PGR: variants seen among roughly 807,000 people sequenced by gnomAD.
PGR encodes the protein nuclear receptor subfamily 3 group C member 3.
A neutral mutation model predicts 76.1 loss-of-function variants in PGR; 25 were observed. The ratio of observed to expected loss-of-function variants is 0.33; its 90% CI spans 0.24 to 0.46. PGR has a LOEUF of 0.46. Ranked by LOEUF, PGR falls within the 20% of genes least tolerant of loss-of-function variation. The probability of loss-of-function intolerance (pLI) is 1.00; values close to 1 mark genes in which losing one functional copy is unlikely to be tolerated. For missense variants in PGR, 1,172 were observed against 1,225.3 expected, an observed-to-expected ratio of 0.96 and a Z score of 0.65; for synonymous variants, 579 against 535.0, an observed-to-expected ratio of 1.08 and a Z score of -1.14.
chr11:101,038,580 C>T lies in PGR; in HGVS notation c.*536G>A. On this transcript the variant is annotated 3_prime_UTR_variant, in exon 8 of 8. Transcript: ENST00000325455. The stretch of plus-strand genomic sequence containing the variant: ...ATCAATCTATTTTAGTGGTTTTAAA[C>T]TCTTTCTACATTTTTTGCATTAAAA... 1 of 230,156 alleles carries T rather than the reference C, an allele frequency of 4.3e-6. No individual in the cohort carries two copies. Among genetic ancestry groups the T allele is most frequent in the South Asian group, 1.8e-4 (1 of 5,536 alleles). The allele number at this position is 230,156 out of a possible 1,614,324, so 14.3% of individuals were successfully genotyped here.
At chr11:101,111,973 T>A (rs1194733141) in intron 2 of PGR, among the ~76,000 whole-genome samples, 1 of 152,118 alleles carries the variant, frequency 6.6e-6, no homozygotes, top group Non-Finnish European at 1.5e-5. Flanking sequence ...GGGGAGCTAG[T>A]GAGGAAAATC....
intron 6 of PGR, among the ~76,000 whole-genome samples, chr11:101,048,670 C>T (rs544185446): frequency 3.8e-4 from 58 of 152,210 alleles, no homozygotes; most frequent in African/African-American, 1.3e-3. Context: ...AGTTGCTCTG[C>T]GTGAGTCAGC....
intron 3 of PGR, among the ~76,000 whole-genome samples, chr11:101,065,345 C>G (rs1860676079): frequency 6.6e-6 from 1 of 152,144 alleles, no homozygotes; most frequent in Admixed American, 6.6e-5. Context: ...ATGTGAACAG[C>G]AATGTGATTT....
At chr11:101,075,289 C>T (rs1338090533) in intron 3 of PGR, among the ~76,000 whole-genome samples, 3 of 152,010 alleles carry the variant, frequency 2.0e-5, no homozygotes, top group Non-Finnish European at 4.4e-5. Context: ...GAAAGTGGAC[C>T]CCTTCCTTAC....
intron 2 of PGR, among the ~76,000 whole-genome samples, chr11:101,101,328 C>A (rs955865773): frequency 3.3e-5 from 5 of 152,052 alleles, no homozygotes; most frequent in African/African-American, 1.2e-4. Context: ...TCACTGGAAA[C>A]CACTGGAGAT....
chr11:101,092,969 T>TAA, intron 2 of PGR, among the ~76,000 whole-genome samples: 1 of 152,204 alleles, frequency 6.6e-6, no homozygotes, highest in Middle Eastern at 3.4e-3. Context: ...CAGAGGTACC[T>TAA]AAAACATGTA....
At chr11:101,076,347 A>G (rs1009356952) in intron 3 of PGR, among the ~76,000 whole-genome samples, 7 of 152,206 alleles carry the variant, frequency 4.6e-5, no homozygotes, top group Non-Finnish European at 1.0e-4. Context: ...GGATAACATT[A>G]GAAGAAATAC....
At chr11:101,051,752 T>G (rs990018074) in intron 4 of PGR, among the ~76,000 whole-genome samples, 184 bp from the exon 5 acceptor site, 3 of 152,160 alleles carry the variant, frequency 2.0e-5, no homozygotes, top group African/African-American at 7.2e-5. Flanking sequence ...TATCAGCAAC[T>G]TTGGAAGTCA....
Position 101,128,128 on chromosome 11 carries a change from A to G in PGR, c.943T>C (p.Leu315=), listed in dbSNP as rs1210605851. The change falls in exon 1 of 8, where the codon TTA becomes CTA. Residue 315 remains leucine (L), a synonymous_variant. Coordinates refer to ENST00000325455, the MANE Select transcript of PGR (RefSeq NM_000926.4). Reference sequence around the variant, plus strand: ...AGCTGCCGAGTGCGGGCTGCCAATAAGGCGTGATTGAGAGGCAGGATAGGC... The same window carrying G: ...AGCTGCCGAGTGCGGGCTGCCAATAGGGCGTGATTGAGAGGCAGGATAGGC... The part of the protein sequence containing the change: ...HVPILPLNHA[L]LAARTRQLLE... 4 of 1,598,192 alleles carry G rather than the reference A, an allele frequency of 2.5e-6. No homozygotes were observed. In the African/African-American group the frequency reaches 5.4e-5, roughly 21 times the overall value.
chr11:101,030,500 T>C lies in PGR; in HGVS notation c.*8616A>G, dbSNP rs1859315211. The C allele has an allele frequency of 4.3e-6, 1 of 231,068 alleles. No individual in the cohort carries two copies. The highest frequency in any genetic ancestry group is 2.2e-5 in the African/African-American group (1 of 45,238). 14.3% of individuals were successfully genotyped at this position (231,068 alleles called of 1,614,324 possible). A position where few individuals can be genotyped will look rare whatever the true frequency, so the allele number is the denominator to read the frequency against. The stretch of plus-strand genomic sequence containing the variant: ...CACCCTCTTGACAGAAAACCTCATA[T>C]GAATACCCAAACCACTTTGAAAGTA... On this transcript the variant is annotated 3_prime_UTR_variant, in exon 8 of 8. Transcript: ENST00000325455.
At position 101,035,652 on chromosome 11, in the gene PGR, CA is replaced by C. The variant is rs1859486127; in HGVS notation, c.*3463del. 5 of 231,760 alleles carry C rather than the reference CA, an allele frequency of 2.2e-5. No individual in the cohort carries two copies. Among genetic ancestry groups the C allele is most frequent in the Non-Finnish European group, 3.4e-5 (4 of 117,262 alleles). 14.4% of individuals were successfully genotyped at this position (231,760 alleles called of 1,614,324 possible). A position where few individuals can be genotyped will look rare whatever the true frequency, so the allele number is the denominator to read the frequency against. On this transcript the variant is annotated 3_prime_UTR_variant, in exon 8 of 8. Transcript: ENST00000325455. ...AAAAGACACTTAAAAATGTTAAAAT[CA>C]GTGTCATTATTTTAAAATGTCTACA...
At position 101,035,622 on chromosome 11, in the gene PGR, T is replaced by G. The variant is rs138013676; in HGVS notation, c.*3494A>C. ...GGCTGTGTTCTAGTCAGGCTCTCTG[T>G]TCTAAAAAGACACTTAAAAATGTTA... On this transcript the variant is annotated 3_prime_UTR_variant, in exon 8 of 8. Transcript: ENST00000325455. 2.2e-5 allele frequency: 5 copies of G among 232,156 alleles called. No individual in the cohort carries two copies. Among genetic ancestry groups the G allele is most frequent in the African/African-American group, 1.1e-4 (5 of 45,420 alleles). The allele number at this position is 232,156 out of a possible 1,614,324, so 14.4% of individuals were successfully genotyped here.
At chr11:101,068,771 G>C (rs1025656573) in intron 3 of PGR, among the ~76,000 whole-genome samples, 2 of 151,748 alleles carry the variant, frequency 1.3e-5, no homozygotes, top group African/African-American at 2.4e-5. Context: ...ATGGGGAAAG[G>C]ATTCCCTATT....
chr11:101,046,324 TTTTTTTTTTTTTA>T (rs1859884496), intron 6 of PGR, among the ~76,000 whole-genome samples: 1 of 66,984 alleles, frequency 1.5e-5, no homozygotes, highest in South Asian at 6.1e-4. Flanking sequence ...TTTTTTTTTT[TTTTTTTTTTTTTA>T]GAGACGGGGT....
intron 1 of PGR, 84 bp downstream of exon 1, chr11:101,127,350 C>A (rs1340899964): frequency 3.7e-6 from 4 of 1,072,334 alleles, no homozygotes; most frequent in African/African-American, 1.7e-5. Flanking sequence ...TGCGCTGGGG[C>A]TGGGGCTGAG....
intron 2 of PGR, among the ~76,000 whole-genome samples, chr11:101,094,827 C>G (rs1324350592): frequency 6.6e-6 from 1 of 152,116 alleles, no homozygotes; most frequent in Non-Finnish European, 1.5e-5. Flanking sequence ...AACTTAATCC[C>G]CAATGTGACA....
intron 4 of PGR, among the ~76,000 whole-genome samples, chr11:101,052,278 TG>T (rs1200791255): frequency 3.1e-3 from 7 of 2,290 alleles, no homozygotes. Context: ...TCTGTGTGTG[TG>T]TGTGTGTGTG....
chr11:101,088,281 G>A (rs1168643688), intron 3 of PGR, among the ~76,000 whole-genome samples: 1 of 152,102 alleles, frequency 6.6e-6, no homozygotes, highest in East Asian at 1.9e-4. Flanking sequence ...ACTGTTGGTG[G>A]GAATGTAAAT....
chr11:101,033,558 T>A lies in PGR; in HGVS notation c.*5558A>T. On this transcript the variant is annotated 3_prime_UTR_variant, in exon 8 of 8. Coordinates refer to ENST00000325455, the MANE Select transcript of PGR (RefSeq NM_000926.4). The stretch of plus-strand genomic sequence containing the variant: ...AAAATATATCAAATCTGTGTGGATA[T>A]AATTGTTATTCATGCTGCTCAGCAG... 1 of 194,636 alleles carries A rather than the reference T, an allele frequency of 5.1e-6. No individual in the cohort carries two copies. The allele number at this position is 194,636 out of a possible 1,614,324, so 12.1% of individuals were successfully genotyped here. A position where few individuals can be genotyped will look rare whatever the true frequency, so the allele number is the denominator to read the frequency against.
Sources: gnomAD v4.1 joint callset for allele counts (sites outside exome capture counted in the v4.1 genomes callset) on GRCh38, gnomAD v4.1.1 for gene constraint, MANE v1.5 for transcripts, NCBI Gene and HGNC (gene_info 2026-07-23, HGNC 2026-07-21) for gene names.